Variants in CEP295 observed in about 807,000 individuals in gnomAD.
The protein encoded by CEP295 is centrosomal protein of 295 kDa.
CEP295 carries 190 observed loss-of-function variants against 291.6 expected under a neutral mutation model. The observed-to-expected ratio is 0.65, with a 90% CI of 0.58 to 0.73. The LOEUF is 0.73. Ranked by LOEUF, CEP295 falls within the 30% of genes least tolerant of loss-of-function variation. The pLI is 0.00. For missense variants in CEP295, 2,863 were observed against 2,949.4 expected (o/e 0.97, Z 0.68); for synonymous variants, 993 against 1,038.8 (o/e 0.96, Z 0.85).
chr11:93,713,652 G>T (rs570986891), intron 18 of CEP295, among the ~76,000 whole-genome samples: 1 of 152,050 alleles, frequency 6.6e-6, no homozygotes, highest in African/African-American at 2.4e-5. Context: ...TCTTCTTTGG[G>T]TTAAATCTGC....
At position 93,687,736 on chromosome 11, in the gene CEP295, A is replaced by G; in HGVS notation, c.1207A>G (p.Ile403Val). 6.5e-7 allele frequency: 1 copy of G among 1,550,376 alleles called. No homozygotes were observed. Among genetic ancestry groups the G allele is most frequent in the Non-Finnish European group, 8.7e-7 (1 of 1,145,974 alleles). ...KIRSQKSLWT[I>V]KSMSEDESEM... ...CCGAAGCCAAAAATCTCTCTGGACA[A>G]TTAAATCTATGTCTGAGGATGAAAG... is the stretch of plus-strand genomic sequence containing the variant. Residue 403 changes from isoleucine (I) to valine (V), a missense_variant, in exon 10 of 30, where the codon ATT becomes GTT. Coordinates refer to ENST00000325212, the MANE Select transcript of CEP295 (RefSeq NM_033395.2).
Position 93,684,080 on chromosome 11 carries a change from G to A in CEP295, c.1066G>A (p.Glu356Lys), listed in dbSNP as rs1434636440. The A allele has an allele frequency of 1.3e-6, 2 of 1,551,508 alleles. No individual in the cohort carries two copies. The highest frequency in any genetic ancestry group is 1.7e-6 in the Non-Finnish European group (2 of 1,146,978). ...GGAACAAGAAAATTTGGGTGCAGCT[G>A]AAGACCTTCCAGTGACAGAAGCTGA... ...SMEQENLGAA[E>K]DLPVTEAEIC... is the part of the protein sequence containing the mutation. Residue 356 changes from glutamate (E) to lysine (K), a missense_variant, in exon 9 of 30, where the codon GAA becomes AAA. By Grantham distance (56) the Glu-to-Lys change is moderately conservative. Transcript: ENST00000325212.
chr11:93,683,497 T>C, intron 7 of CEP295, 62 bp from the exon 8 acceptor site: 2 of 1,225,192 alleles, frequency 1.6e-6, no homozygotes, highest in South Asian at 3.3e-5. Context: ...ACCTGCAACA[T>C]TGTTAATATT....
chr11:93,706,595 A>AT (rs1343201117), intron 17 of CEP295, 150 bp from the exon 18 acceptor site: 2 of 565,532 alleles, frequency 3.5e-6, no homozygotes, highest in African/African-American at 3.8e-5. Context: ...TACAAATAAT[A>AT]TAAAAGCTTG....
chr11:93,679,642 G>A, intron 7 of CEP295, 90 bp downstream of exon 7: 1 of 1,091,990 alleles, frequency 9.2e-7, no homozygotes, highest in Non-Finnish European at 1.3e-6. Flanking sequence ...AAGAAAGGTA[G>A]GAAGGGTGGG....
intron 21 of CEP295, 39 bp downstream of exon 21, chr11:93,723,328 GTT>G (rs772795203): frequency 4.4e-6 from 6 of 1,369,700 alleles, no homozygotes; most frequent in Non-Finnish European, 5.9e-6. Context: ...TGTAAATTAA[GTT>G]TTAAATTTTC....
chr11:93,723,615 A>T, intron 21 of CEP295: 1 of 181,324 alleles, frequency 5.5e-6, no homozygotes, highest in African/African-American at 2.4e-5. Flanking sequence ...TCATAGCCTG[A>T]CCATTTCCTA....
chr11:93,690,829 G>T (rs1239771576), intron 10 of CEP295, among the ~76,000 whole-genome samples: 1 of 150,990 alleles, frequency 6.6e-6, no homozygotes, highest in African/African-American at 2.4e-5. Context: ...CTAAAACCAT[G>T]CACACTGATC....
Position 93,687,836 on chromosome 11 carries a change from A to G in CEP295, c.1307A>G (p.Glu436Gly), listed in dbSNP as rs1951318915. The change falls in exon 10 of 30, where the codon GAG (glutamate) becomes GGG (glycine). Residue 436 changes from glutamate to glycine, a missense_variant. By Grantham distance (98) the Glu-to-Gly change is moderately conservative (BLOSUM62 -2). This residue lies in a region of CEP295 where 554 missense variants were observed against 576.0 expected (regional missense o/e 0.96). Transcript: ENST00000325212. Reference protein sequence around the residue: ...TVESGTIASKERTLSSGQEQV... With the variant: ...TVESGTIASKGRTLSSGQEQV... ...GAGTCAGGAACAATTGCCAGCAAAGAGAGAACGTTATCCTCTGGGCAGGAA... is the reference window on the plus strand; with the variant it reads ...GAGTCAGGAACAATTGCCAGCAAAGGGAGAACGTTATCCTCTGGGCAGGAA... 1 of 1,550,774 alleles carries G rather than the reference A, an allele frequency of 6.4e-7. No homozygotes were observed. Among genetic ancestry groups the G allele is most frequent in the African/African-American group, 1.4e-5 (1 of 73,038 alleles).
At chr11:93,668,010 A>C (rs1950265952) in intron 3 of CEP295, among the ~76,000 whole-genome samples, 1 of 152,044 alleles carries the variant, frequency 6.6e-6, no homozygotes, top group African/African-American at 2.4e-5. Flanking sequence ...TCCATGTCAA[A>C]TAAAATTGGT....
At chr11:93,685,128 G>C (rs577425922) in intron 9 of CEP295, among the ~76,000 whole-genome samples, 1 of 152,292 alleles carries the variant, frequency 6.6e-6, no homozygotes, top group Non-Finnish European at 1.5e-5. Context: ...AGACCACTGG[G>C]AGTTACCTTT....
rs1283496496 is a variant in CEP295, at chr11:93,695,635, G to A, written c.1671+1G>A. Reference sequence around the variant, plus strand: ...AAGAAAAAAAACTCAACCGACTGGGGTAGGATGCAGAAAATCTCATCACTA... The same window carrying A: ...AAGAAAAAAAACTCAACCGACTGGGATAGGATGCAGAAAATCTCATCACTA... On this transcript the variant is annotated splice_donor_variant, in intron 13 of 29. Coordinates refer to ENST00000325212, the MANE Select transcript of CEP295 (RefSeq NM_033395.2). LOFTEE classifies it high-confidence loss of function. The A allele has an allele frequency of 3.4e-6, 5 of 1,488,632 alleles. No homozygotes were observed. The highest frequency in any genetic ancestry group is 1.5e-5 in the African/African-American group (1 of 68,938). 92.2% of individuals were successfully genotyped at this position (1,488,632 alleles called of 1,614,324 possible). A position where few individuals can be genotyped will look rare whatever the true frequency, so the allele number is the denominator to read the frequency against.
chr11:93,729,507 A>G lies in CEP295; in HGVS notation c.7376A>G (p.Glu2459Gly). 1.3e-6 allele frequency: 2 copies of G among 1,551,870 alleles called. No individual in the cohort carries two copies. Among genetic ancestry groups the G allele is most frequent in the Non-Finnish European group, 1.7e-6 (2 of 1,146,978 alleles). ...DYPAVSELSI[E>G]KPRTASTETP... ...CCAGCTGTATCAGAACTTTCCATAG[A>G]AAAACCAAGGACAGCATCTACAGGT... is the stretch of plus-strand genomic sequence containing the variant. Residue 2459 changes from glutamate (E) to glycine (G), a missense_variant, in exon 26 of 30, where the codon GAA becomes GGA. Coordinates refer to ENST00000325212, the MANE Select transcript of CEP295 (RefSeq NM_033395.2).
At chr11:93,683,095 A>G (rs1161203320) in intron 7 of CEP295, among the ~76,000 whole-genome samples, 4 of 152,222 alleles carry the variant, frequency 2.6e-5, no homozygotes, top group Admixed American at 2.6e-4. Context: ...TGAGGTAACA[A>G]GAAATATTCT....
chr11:93,687,703 A>C lies in CEP295; in HGVS notation c.1174A>C (p.Asn392His). 2.6e-6 allele frequency: 4 copies of C among 1,546,818 alleles called. No individual in the cohort carries two copies. The highest frequency in any genetic ancestry group is 3.5e-6 in the Non-Finnish European group (4 of 1,143,442). ...AAAAGTTCTTTTTAAAAAATTATTA[A>C]ATAAGATCCGAAGCCAAAAATCTCT... ...PSKVLFKKLL[N>H]KIRSQKSLWT... is the part of the protein sequence containing the mutation. Residue 392 changes from asparagine (N) to histidine (H), a missense_variant, in exon 10 of 30, where the codon AAT becomes CAT. By Grantham distance (68) the Asn-to-His change is moderately conservative. Around this residue, in one of 3 missense-constraint regions of CEP295, gnomAD observed 554 missense variants for 576.0 expected, o/e 0.96. Transcript: ENST00000325212.
At position 93,697,742 on chromosome 11, in the gene CEP295, C is replaced by A; in HGVS notation, c.2830C>A (p.Leu944Ile). Residue 944 changes from leucine (L) to isoleucine (I), a missense_variant, in exon 15 of 30, where the codon CTA becomes ATA. This residue lies in a region of CEP295 where 2,295 missense variants were observed against 2,335.7 expected (regional missense o/e 0.98). Coordinates refer to ENST00000325212, the MANE Select transcript of CEP295 (RefSeq NM_033395.2). The stretch of plus-strand genomic sequence containing the variant: ...GCGTTTGAGTCTTTCACAGCCTATC[C>A]TATCACAGCAAAATAATTTTAAATT... ...DKRLSLSQPI[L>I]SQQNNFKFLQ... 20 of 1,551,618 alleles carry A rather than the reference C, an allele frequency of 1.3e-5. No individual in the cohort carries two copies. The highest frequency in any genetic ancestry group is 1.7e-5 in the Non-Finnish European group (19 of 1,146,982).
chr11:93,718,906 C>A (rs542772987), intron 18 of CEP295, among the ~76,000 whole-genome samples: 241 of 152,192 alleles, frequency 1.6e-3, no homozygotes, highest in Non-Finnish European at 2.3e-3. Flanking sequence ...GTCAGGAATT[C>A]GAGACCAGCC....
intron 15 of CEP295, among the ~76,000 whole-genome samples, chr11:93,700,435 T>C (rs1456039596): frequency 1.3e-5 from 2 of 150,586 alleles, no homozygotes; most frequent in Admixed American, 1.3e-4. Flanking sequence ...GCTTTTTTTT[T>C]TTTTTTTTGA....
intron 18 of CEP295, among the ~76,000 whole-genome samples, chr11:93,713,651 G>T (rs1481620449): frequency 1.3e-5 from 2 of 151,760 alleles, no homozygotes; most frequent in Non-Finnish European, 2.9e-5. Flanking sequence ...GTCTTCTTTG[G>T]GTTAAATCTG....
Sources: gnomAD v4.1 joint callset for allele counts (sites outside exome capture counted in the v4.1 genomes callset) on GRCh38, gnomAD v4.1.1 for gene constraint, gnomAD v4.1.1 regional missense constraint, MANE v1.5 for transcripts, NCBI Gene and HGNC (gene_info 2026-07-23, HGNC 2026-07-21) for gene names.